The following INCA1 variants were observed in gnomAD, a reference collection of about 807,000 sequenced individuals.
INCA1 encodes the protein inhibitor of CDK, cyclin A1 interacting protein 1, also known as protein INCA1.
INCA1 carries 28 observed loss-of-function variants against 25.7 expected under a neutral mutation model. That is an observed-to-expected ratio of 1.09 (90% confidence interval 0.81 to 1.49). The LOEUF (loss-of-function observed/expected upper bound fraction) is 1.49, where lower values mean the gene tolerates loss of function less well. INCA1 is among the 40% of genes most tolerant of loss of function. The probability of loss-of-function intolerance (pLI) is 0.00; values close to 1 mark genes in which losing one functional copy is unlikely to be tolerated. For synonymous variants in INCA1, 111 were observed against 103.6 expected, an observed-to-expected ratio of 1.07 and a Z score of -0.43; for missense variants, 309 against 290.9, an observed-to-expected ratio of 1.06 and a Z score of -0.45.
intron 2 of INCA1, among the ~76,000 whole-genome samples, chr17:4,994,118 T>C (rs964351894): frequency 6.6e-6 from 1 of 152,202 alleles, no homozygotes. Flanking sequence ...TGAAATTGTA[T>C]TTGTTTGCAC....
chr17:4,989,723 C>A, intron 4 of INCA1, 99 bp from the exon 5 acceptor site: 1 of 1,553,966 alleles, frequency 6.4e-7, no homozygotes, highest in Admixed American at 1.7e-5. Flanking sequence ...CTTGGGAAGA[C>A]CCCTGTGATC....
chr17:4,993,595 A>T (rs1974023082), intron 2 of INCA1, among the ~76,000 whole-genome samples: 1 of 151,450 alleles, frequency 6.6e-6, no homozygotes, highest in African/African-American at 2.4e-5. Flanking sequence ...CAGCCTCCCG[A>T]GTAGCTGGGA....
At chr17:4,990,096 T>C (rs993708417) in intron 3 of INCA1, 56 bp downstream of exon 3, 2 of 1,611,508 alleles carry the variant, frequency 1.2e-6, no homozygotes, top group African/African-American at 2.7e-5. Flanking sequence ...GGGTTTATGG[T>C]AGTTTAATCC....
chr17:4,990,943 C>T (rs141007394), intron 2 of INCA1, among the ~76,000 whole-genome samples: 6 of 150,382 alleles, frequency 4.0e-5, no homozygotes, highest in African/African-American at 1.5e-4. Flanking sequence ...TTATTGAGAC[C>T]GTTTCACTCT....
chr17:4,990,256 C>A (rs768043182), exon 3 of INCA1: 17 of 1,613,308 alleles, frequency 1.1e-5, no homozygotes, highest in South Asian at 5.5e-5. Context: ...GGCTGACCAC[C>A]CTGGAACACC....
chr17:4,995,436 T>C (rs1974172705), intron 1 of INCA1, among the ~76,000 whole-genome samples: 1 of 151,740 alleles, frequency 6.6e-6, no homozygotes, highest in Non-Finnish European at 1.5e-5. Flanking sequence ...GTGGAGGCAT[T>C]TGGGGGTAAG....
chr17:4,992,665 T>G (rs964017560), intron 2 of INCA1, among the ~76,000 whole-genome samples: 1 of 150,354 alleles, frequency 6.7e-6, no homozygotes, highest in African/African-American at 2.4e-5. Context: ...CTTTTCCTTT[T>G]CTTTCTTCCA....
chr17:4,988,838 C>A lies in INCA1; in HGVS notation c.502G>T (p.Glu168Ter). The change falls in exon 6 of 7, where the codon GAG becomes TAG. Residue 168 changes from glutamate to a stop codon, truncating the protein, a stop_gained. Coordinates refer to ENST00000576820, the Ensembl canonical transcript of INCA1. LOFTEE classifies it high-confidence loss of function. Reference sequence around the variant, plus strand: ...TCCTGTGGATAGGTTGCTCTCTCCTCTTCCAGATCAGGGTATTCATTGGTG... The same window carrying A: ...TCCTGTGGATAGGTTGCTCTCTCCTATTCCAGATCAGGGTATTCATTGGTG... 8 of 1,614,250 alleles carry A rather than the reference C, an allele frequency of 5.0e-6. No homozygotes were observed. The highest frequency in any genetic ancestry group is 5.9e-6 in the Non-Finnish European group (7 of 1,180,040).
chr17:4,994,939 C>CT (rs1442312508), intron 1 of INCA1, among the ~76,000 whole-genome samples: 1 of 152,118 alleles, frequency 6.6e-6, no homozygotes, highest in Non-Finnish European at 1.5e-5. Context: ...GGCGCAGTGG[C>CT]TTATGCCTGT....
upstream of INCA1, chr17:4,997,360 C>G (rs972634759): frequency 6.6e-6 from 1 of 152,272 alleles, no homozygotes; most frequent in African/African-American, 2.4e-5. Context: ...AGGGCAGCTC[C>G]GGCCTTAGGC....
intron 1 of INCA1, among the ~76,000 whole-genome samples, chr17:4,996,220 A>G (rs1025497575): frequency 9.9e-5 from 15 of 151,858 alleles, no homozygotes; most frequent in African/African-American, 3.6e-4. Flanking sequence ...CCCCCTCTTT[A>G]CCAAAATACG....
At chr17:4,995,238 G>A (rs471064) in intron 1 of INCA1, among the ~76,000 whole-genome samples, 125,259 of 152,096 alleles carry the variant, frequency 0.82, 52,626 homozygotes, top group African/African-American at 0.96. Context: ...GTGCTGGACT[G>A]TTAATTGAAC....
At chr17:4,990,068 T>C (rs1973753858) in intron 3 of INCA1, 84 bp downstream of exon 3, 2 of 1,610,436 alleles carry the variant, frequency 1.2e-6, no homozygotes, top group Non-Finnish European at 1.7e-6. Context: ...AACCGCAGAC[T>C]AGGGCCTATT....
At chr17:4,990,510 C>T (rs542796615) in intron 2 of INCA1, among the ~76,000 whole-genome samples, 1 of 152,282 alleles carries the variant, frequency 6.6e-6, no homozygotes, top group South Asian at 2.1e-4. Context: ...AGTTTAAGCT[C>T]TATATCGGGG....
chr17:4,990,396 T>A, intron 2 of INCA1, 131 bp from the exon 3 acceptor site: 1 of 987,510 alleles, frequency 1.0e-6, no homozygotes, highest in Non-Finnish European at 1.5e-6. Context: ...TGTCCTCTCT[T>A]AACCACTTTA....
At chr17:4,992,629 TCTC>T (rs1361411897) in intron 2 of INCA1, among the ~76,000 whole-genome samples, 1 of 141,854 alleles carries the variant, frequency 7.0e-6, no homozygotes, top group Non-Finnish European at 1.5e-5. Context: ...TCTCCTCCCC[TCTC>T]CTCCCTTCCC....
chr17:4,988,233 G>A (rs1432212299), exon 7 of INCA1: 1 of 633,322 alleles, frequency 1.6e-6, no homozygotes, highest in African/African-American at 1.9e-5. Context: ...GCGGTGGGTT[G>A]AGATGGGAGC....
intron 4 of INCA1, 117 bp from the exon 5 acceptor site, chr17:4,989,741 C>A: frequency 6.5e-7 from 1 of 1,547,322 alleles, no homozygotes; most frequent in South Asian, 1.1e-5. Context: ...ATCTCGAAAA[C>A]ATGATGACTG....
exon 7 of INCA1, chr17:4,988,221 G>A: frequency 7.1e-6 from 4 of 560,464 alleles, no homozygotes; most frequent in Non-Finnish European, 1.2e-5. Context: ...GCTCCTGTGA[G>A]AGCGGTGGGT....
Sources: allele counts gnomAD v4.1 joint callset (sites outside exome capture counted in the v4.1 genomes callset), GRCh38; gene constraint gnomAD v4.1.1; transcripts MANE v1.5; gene names NCBI Gene and HGNC (gene_info 2026-07-23, HGNC 2026-07-21).